ERBB4: variants seen among roughly 807,000 people sequenced by gnomAD.
The protein encoded by ERBB4 is receptor tyrosine-protein kinase erbB-4.
A neutral mutation model predicts 158.0 loss-of-function variants in ERBB4; 42 were observed. The observed-to-expected ratio is 0.27, with a 90% CI of 0.21 to 0.34. The LOEUF is 0.34. ERBB4 is among the 10% of genes least tolerant of loss of function. ERBB4 has a pLI of 1.00. For missense variants in ERBB4, 1,333 were observed against 1,624.1 expected (o/e 0.82, Z 3.08); for synonymous variants, 583 against 558.7 (o/e 1.04, Z -0.61).
intron 2 of ERBB4, among the ~76,000 whole-genome samples, chr2:212,073,170 AAAG>A (rs779133923): frequency 2.2e-4 from 34 of 152,120 alleles, no homozygotes; most frequent in Non-Finnish European, 4.6e-4. Context: ...GCTAGAAAGG[AAAG>A]CTGGAGCCAA....
intron 1 of ERBB4, among the ~76,000 whole-genome samples, chr2:212,204,665 C>T (rs2082684039): frequency 6.7e-6 from 1 of 150,192 alleles, no homozygotes; most frequent in South Asian, 2.1e-4. Flanking sequence ...CCATTGCACT[C>T]CAGCCTGAGT....
intron 2 of ERBB4, among the ~76,000 whole-genome samples, chr2:212,077,661 G>A (rs992232769): frequency 6.6e-6 from 1 of 151,926 alleles, no homozygotes; most frequent in Non-Finnish European, 1.5e-5. Flanking sequence ...ATGGGCAAAG[G>A]CAAGCAGGGG....
At chr2:212,038,475 AC>A (rs1312614786) in intron 2 of ERBB4, among the ~76,000 whole-genome samples, 1 of 152,164 alleles carries the variant, frequency 6.6e-6, no homozygotes, top group Non-Finnish European at 1.5e-5. Flanking sequence ...AAAGTGTGTG[AC>A]TGAAACAAAG....
intron 1 of ERBB4, among the ~76,000 whole-genome samples, chr2:212,496,959 C>A (rs1176415721): frequency 1.3e-5 from 2 of 151,972 alleles, no homozygotes; most frequent in East Asian, 3.9e-4. Flanking sequence ...GGGGGTGGAT[C>A]ACCTGAGGTC....
At chr2:212,147,915 T>G (rs1403472012) in intron 1 of ERBB4, among the ~76,000 whole-genome samples, 1 of 152,170 alleles carries the variant, frequency 6.6e-6, no homozygotes, top group Non-Finnish European at 1.5e-5. Context: ...TTTCTGTGAT[T>G]TATCCTTCTT....
chr2:211,397,505 C>T (rs985170836), intron 25 of ERBB4, among the ~76,000 whole-genome samples: 5 of 152,074 alleles, frequency 3.3e-5, no homozygotes, highest in African/African-American at 9.7e-5. Context: ...CCCATAGAGA[C>T]GGTAAATGAC....
intron 20 of ERBB4, among the ~76,000 whole-genome samples, chr2:211,488,929 T>C (rs2065272210): frequency 6.6e-6 from 1 of 152,120 alleles, no homozygotes; most frequent in African/African-American, 2.4e-5. Flanking sequence ...GTTGTGTCTA[T>C]ATGGCTAATT....
At chr2:212,371,883 TTGGTTTGTGTGACC>T (rs761055601) in intron 1 of ERBB4, among the ~76,000 whole-genome samples, 6 of 152,200 alleles carry the variant, frequency 3.9e-5, no homozygotes, top group Non-Finnish European at 8.8e-5. Flanking sequence ...AGGCGAGAAC[TTGGTTTGTGTGACC>T]CAAAGGATAT....
intron 1 of ERBB4, among the ~76,000 whole-genome samples, chr2:212,338,629 C>A (rs1233702509): frequency 1.3e-5 from 2 of 152,050 alleles, no homozygotes; most frequent in East Asian, 3.9e-4. Flanking sequence ...TCTAGATATA[C>A]CTACACAACT....
At chr2:211,459,837 G>T (rs942452045) in intron 20 of ERBB4, among the ~76,000 whole-genome samples, 1 of 152,024 alleles carries the variant, frequency 6.6e-6, no homozygotes, top group Non-Finnish European at 1.5e-5. Flanking sequence ...TTATCTCGTT[G>T]TTTATATCTA....
chr2:212,146,085 T>C (rs948076236), intron 1 of ERBB4, among the ~76,000 whole-genome samples: 2 of 152,186 alleles, frequency 1.3e-5, no homozygotes, highest in Non-Finnish European at 2.9e-5. Context: ...TGCAATTTCA[T>C]TTAGTTCCAT....
At chr2:212,240,422 G>C (rs7592673) in intron 1 of ERBB4, among the ~76,000 whole-genome samples, 82,202 of 151,346 alleles carry the variant, frequency 0.54, 22,601 homozygotes, top group East Asian at 0.74. Flanking sequence ...CGAGATGGGC[G>C]TATCACGAGA....
At chr2:211,911,812 TATTC>T (rs2079546827) in intron 3 of ERBB4, among the ~76,000 whole-genome samples, 1 of 147,538 alleles carries the variant, frequency 6.8e-6, no homozygotes, top group Non-Finnish European at 1.5e-5. Context: ...GGAGAGGTTT[TATTC>T]TTTTCTTTTT....
At chr2:211,907,415 C>CTT (rs1006579963) in intron 3 of ERBB4, among the ~76,000 whole-genome samples, 1 of 142,594 alleles carries the variant, frequency 7.0e-6, no homozygotes, top group Non-Finnish European at 1.5e-5. Context: ...TGGCTTTTGC[C>CTT]TTTTTTTTTT....
At chr2:212,420,783 T>C (rs913401303) in intron 1 of ERBB4, among the ~76,000 whole-genome samples, 2 of 152,134 alleles carry the variant, frequency 1.3e-5, no homozygotes, top group Admixed American at 1.3e-4. Flanking sequence ...AAACTTATCA[T>C]TTCTTGCTCA....
intron 2 of ERBB4, among the ~76,000 whole-genome samples, chr2:212,003,743 C>T (rs2076196546): frequency 1.3e-5 from 2 of 152,182 alleles, no homozygotes; most frequent in African/African-American, 2.4e-5. Flanking sequence ...TGTTCCACAG[C>T]CCAGTCCAGA....
At chr2:211,393,285 T>C (rs781288846) in intron 25 of ERBB4, among the ~76,000 whole-genome samples, 3 of 152,226 alleles carry the variant, frequency 2.0e-5, no homozygotes, top group East Asian at 1.9e-4. Context: ...TTTTAGGTTT[T>C]ATTTATTCTT....
intron 5 of ERBB4, among the ~76,000 whole-genome samples, chr2:211,735,881 A>G (rs1479873899): frequency 6.6e-6 from 1 of 151,820 alleles, no homozygotes; most frequent in Non-Finnish European, 1.5e-5. Flanking sequence ...GGCCAAGCAG[A>G]GTGGCTCACG....
Position 212,439,289 on chromosome 2 carries a change from A to G in ERBB4, c.82+99160T>C, listed in dbSNP as rs2092203251. On this transcript the variant is annotated intron_variant, in intron 1 of 27. Transcript: ENST00000342788. ...GCTGGAATACCTAGCTCATCAGCAT[A>G]CAAAATTAAATATTCTGCCTCACTT... 2.0e-5 allele frequency among the ~76,000 whole-genome samples: 3 copies of G among 152,306 alleles called. No homozygotes were observed. In the South Asian group the frequency reaches 6.2e-4, roughly 32 times the overall value.
Sources: gnomAD v4.1 joint callset for allele counts (sites outside exome capture counted in the v4.1 genomes callset) on GRCh38, gnomAD v4.1.1 for gene constraint, MANE v1.5 for transcripts, NCBI Gene and HGNC (gene_info 2026-07-23, HGNC 2026-07-21) for gene names.